Variants in AKR1C1 observed in about 807,000 individuals in gnomAD.
AKR1C1 encodes 20 alpha-hydroxysteroid dehydrogenase.
Under a neutral mutation model 40.6 loss-of-function variants are expected in AKR1C1, and 32 were observed. That is an observed-to-expected ratio of 0.79 (90% confidence interval 0.60 to 1.06). The LOEUF is 1.06. AKR1C1 is among the 50% of genes least tolerant of loss of function. AKR1C1 has a pLI of 0.00. For missense variants in AKR1C1, 320 were observed against 363.5 expected (o/e 0.88, Z 0.97); for synonymous variants, 105 against 134.2 (o/e 0.78, Z 1.50).
intron 5 of AKR1C1, chr10:4,969,953 A>T (rs1836397411): frequency 2.0e-6 from 1 of 491,168 alleles, no homozygotes; most frequent in African/African-American, 1.9e-5. Context: ...ATGTGGTTTT[A>T]ATACTAGTAG....
intron 5 of AKR1C1, chr10:4,969,792 C>T: frequency 6.4e-7 from 1 of 1,555,172 alleles, no homozygotes; most frequent in Non-Finnish European, 8.8e-7. Flanking sequence ...TACACTTTTC[C>T]CAGTAAATTA....
intron 1 of AKR1C1, chr10:4,965,588 C>T (rs1055481602): frequency 7.0e-5 from 13 of 186,514 alleles, no homozygotes; most frequent in African/African-American, 2.6e-4. Context: ...TTTTACCATA[C>T]TAAAAATAAT....
chr10:4,974,042 A>G (rs1336877322), intron 7 of AKR1C1, among the ~76,000 whole-genome samples: 1 of 151,600 alleles, frequency 6.6e-6, no homozygotes, highest in Non-Finnish European at 1.5e-5. Flanking sequence ...ATACTCTGAA[A>G]TAATGATACA....
chr10:4,977,915 G>GT lies in AKR1C1; in HGVS notation c.*179dup. On this transcript the variant is annotated 3_prime_UTR_variant, in exon 9 of 9. Coordinates refer to ENST00000380872, the MANE Select transcript of AKR1C1 (RefSeq NM_001353.6). ...GCCAGAAAGGAAAGACAATAATTTT[G>GT]TTTTTTCATTTTGAAAAAATTAAAT... 9.5e-7 allele frequency: 1 copy of GT among 1,051,910 alleles called. No homozygotes were observed. The highest frequency in any genetic ancestry group is 1.3e-6 in the Non-Finnish European group (1 of 741,182). The allele number at this position is 1,051,910 out of a possible 1,614,324, so 65.2% of individuals were successfully genotyped here. A position where few individuals can be genotyped will look rare whatever the true frequency, so the allele number is the denominator to read the frequency against.
rs1341634742 is a variant in AKR1C1, at chr10:4,979,628, G to A, written c.*1886G>A. 4.6e-5 allele frequency: 7 copies of A among 152,082 alleles called. No homozygotes were observed. The highest frequency in any genetic ancestry group is 3.3e-4 in the Admixed American group (5 of 15,270). The allele number at this position is 152,082 out of a possible 1,614,324, so 9.4% of individuals were successfully genotyped here. On this transcript the variant is annotated 3_prime_UTR_variant, in exon 9 of 9. Coordinates refer to ENST00000380872, the MANE Select transcript of AKR1C1 (RefSeq NM_001353.6). The stretch of plus-strand genomic sequence containing the variant: ...TTAGCAAGTGTAACTCTTTTTTCAA[G>A]ATGTGAAATAATCATTAGGTCAGTC...
intron 8 of AKR1C1, among the ~76,000 whole-genome samples, chr10:4,977,070 A>G (rs560681199): frequency 6.6e-6 from 1 of 152,338 alleles, no homozygotes; most frequent in East Asian, 1.9e-4. Flanking sequence ...GATAGGCTCA[A>G]TTCCCTAATT....
chr10:4,965,908 C>A lies in AKR1C1; in HGVS notation c.85-6C>A. On this transcript the variant is annotated splice_polypyrimidine_tract_variant and splice_region_variant and intron_variant, in intron 1 of 8. Coordinates refer to ENST00000380872, the MANE Select transcript of AKR1C1 (RefSeq NM_001353.6). Reference sequence around the variant, plus strand: ...CAGAAAATACTACCTATGGTTACTCCCCCAGGTTCCTAAAAGTAAAGCTTT... The same window carrying A: ...CAGAAAATACTACCTATGGTTACTCACCCAGGTTCCTAAAAGTAAAGCTTT... 6.2e-7 allele frequency: 1 copy of A among 1,612,688 alleles called. No homozygotes were observed. Among genetic ancestry groups the A allele is most frequent in the Non-Finnish European group, 8.5e-7 (1 of 1,179,416 alleles).
chr10:4,982,904 G>A lies in AKR1C1; in HGVS notation c.*5162G>A. ...CACCCTGACCAGTCAGAGGTCTTGA[G>A]TCGGTCCGCATGACAAGTTCACCGC... On this transcript the variant is annotated 3_prime_UTR_variant, in exon 9 of 9. Transcript: ENST00000380872. 1 of 444,682 alleles carries A rather than the reference G, an allele frequency of 2.2e-6. No homozygotes were observed. Among genetic ancestry groups the A allele is most frequent in the South Asian group, 1.6e-5 (1 of 62,612 alleles). The allele number at this position is 444,682 out of a possible 1,614,324, so 27.5% of individuals were successfully genotyped here. A position where few individuals can be genotyped will look rare whatever the true frequency, so the allele number is the denominator to read the frequency against.
Position 4,970,877 on chromosome 10 carries a change from G to A in AKR1C1, c.571-1324G>A, listed in dbSNP as rs143536040. On this transcript the variant is annotated intron_variant, in intron 5 of 8. Transcript: ENST00000380872. ...CTAATGCTAGATGACGAGTTAGTAG[G>A]TGCAGCGTACCAACATGGCACATGT... 4.6e-3 allele frequency among the ~76,000 whole-genome samples: 696 copies of A among 151,608 alleles called. 9 individuals carry two copies. The highest frequency in any genetic ancestry group is 0.016 in the African/African-American group (663 of 41,258).
chr10:4,967,415 A>T, intron 3 of AKR1C1: 13 of 1,015,750 alleles, frequency 1.3e-5, no homozygotes, highest in Non-Finnish European at 1.5e-5. Flanking sequence ...CATAGGGTGC[A>T]CAATGAGTTT....
rs999611958 is a variant in AKR1C1, at chr10:4,965,972, A to G, written c.143A>G (p.His48Arg). Residue 48 changes from histidine (H) to arginine (R), a missense_variant, in exon 2 of 9, where the codon CAT (histidine) becomes CGT (arginine). Around this residue, in one of 3 missense-constraint regions of AKR1C1, gnomAD observed 214 missense variants for 214.8 expected, o/e 1.00. Coordinates refer to ENST00000380872, the MANE Select transcript of AKR1C1 (RefSeq NM_001353.6). ...TTGGCAATTGAAGCTGGCTTCCGCC[A>G]TATTGATTCTGCTCATTTATACAAT... ...TKLAIEAGFR[H>R]IDSAHLYNNE... is the part of the protein sequence containing the mutation. 1.1e-5 allele frequency: 17 copies of G among 1,614,114 alleles called. No individual in the cohort carries two copies. The highest frequency in any genetic ancestry group is 5.0e-5 in the Admixed American group (3 of 60,004).
rs1213349782 is a variant in AKR1C1 at position 4,966,062 on chromosome 10, A to G, written c.233A>G (p.Asp78Gly). The stretch of plus-strand genomic sequence containing the variant: ...GCAGATGGCAGTGTGAAGAGAGAAG[A>G]CATATTCTACACTTCAAAGGTACTG... Reference protein sequence around the residue: ...KIADGSVKREDIFYTSKLWCN... With the variant: ...KIADGSVKREGIFYTSKLWCN... Residue 78 changes from aspartate to glycine, a missense_variant, in exon 2 of 9, where the codon GAC (aspartate) becomes GGC (glycine). This residue lies in a region of AKR1C1 where 214 missense variants were observed against 214.8 expected (regional missense o/e 1.00). Transcript: ENST00000380872. The G allele has an allele frequency of 6.2e-7, 1 of 1,613,716 alleles. No individual in the cohort carries two copies. Among genetic ancestry groups the G allele is most frequent in the East Asian group, 2.2e-5 (1 of 44,896 alleles).
intron 1 of AKR1C1, among the ~76,000 whole-genome samples, chr10:4,964,153 A>C (rs1459688036): frequency 6.6e-6 from 1 of 152,170 alleles, no homozygotes; most frequent in Non-Finnish European, 1.5e-5. Flanking sequence ...GTAACAGAAA[A>C]ATTTCTTGTT....
intron 7 of AKR1C1, among the ~76,000 whole-genome samples, chr10:4,973,999 A>G (rs781993364): frequency 6.6e-6 from 1 of 151,474 alleles, no homozygotes; most frequent in African/African-American, 2.4e-5. Context: ...ATTTGCTAAA[A>G]CATTAAGTAA....
At chr10:4,966,865 A>G in intron 2 of AKR1C1, 62 bp from the exon 3 acceptor site, 1 of 1,469,128 alleles carries the variant, frequency 6.8e-7, no homozygotes, top group South Asian at 1.2e-5. Context: ...TATTAGGTGG[A>G]GCAAACTAGT....
chr10:4,966,221 A>C, intron 2 of AKR1C1, 140 bp downstream of exon 2: 1 of 1,417,302 alleles, frequency 7.1e-7, no homozygotes, highest in South Asian at 1.6e-5. Context: ...ATGTATTAAA[A>C]CTAATATCAA....
intron 3 of AKR1C1, chr10:4,967,777 A>G (rs1836355404): frequency 1.2e-5 from 4 of 324,020 alleles, no homozygotes; most frequent in South Asian, 2.4e-4. Flanking sequence ...CGTTGGTGGC[A>G]TTTATGGCTT....
intron 5 of AKR1C1, chr10:4,969,989 T>C: frequency 2.5e-6 from 1 of 402,390 alleles, no homozygotes; most frequent in South Asian, 3.0e-5. Flanking sequence ...ATATGGCCAT[T>C]TTCACACTTT....
intron 3 of AKR1C1, chr10:4,968,029 G>A: frequency 3.0e-6 from 1 of 335,916 alleles, no homozygotes. Context: ...GAAAATTATA[G>A]GAGCAGAAGA....
Sources: allele counts gnomAD v4.1 joint callset (sites outside exome capture counted in the v4.1 genomes callset), GRCh38; gene constraint gnomAD v4.1.1; regional missense constraint gnomAD v4.1.1; transcripts MANE v1.5; gene names NCBI Gene and HGNC (gene_info 2026-07-23, HGNC 2026-07-21).